The following PRKCE variants were observed in gnomAD, a reference collection of about 807,000 sequenced individuals.
PRKCE encodes protein kinase C epsilon.
PRKCE carries 16 observed loss-of-function variants against 85.4 expected under a neutral mutation model. The observed-to-expected ratio is 0.19, with a 90% CI of 0.13 to 0.28. The LOEUF (loss-of-function observed/expected upper bound fraction) is 0.28, where lower values mean the gene tolerates loss of function less well. PRKCE is among the 10% of genes least tolerant of loss of function. The pLI is 1.00. For synonymous variants in PRKCE, 388 were observed against 371.5 expected, an observed-to-expected ratio of 1.04 and a Z score of -0.51; for missense variants, 573 against 975.2, an observed-to-expected ratio of 0.59 and a Z score of 5.49.
intron 2 of PRKCE, among the ~76,000 whole-genome samples, chr2:45,959,852 T>G (rs150653914): frequency 1.3e-5 from 2 of 152,316 alleles, no homozygotes; most frequent in African/African-American, 4.8e-5. Flanking sequence ...TTCCCTGGCA[T>G]GTGTGTTGTG....
intron 2 of PRKCE, among the ~76,000 whole-genome samples, chr2:45,912,527 G>T (rs924611726): frequency 1.3e-5 from 2 of 152,144 alleles, no homozygotes; most frequent in Non-Finnish European, 2.9e-5. Flanking sequence ...GGAAGGCTGA[G>T]GCTCACAGCT....
chr2:45,941,086 A>AAAAAAAAAAAAAAAAAAAAC, intron 2 of PRKCE, among the ~76,000 whole-genome samples: 1 of 150,854 alleles, frequency 6.6e-6, no homozygotes, highest in East Asian at 2.0e-4. Flanking sequence ...AAAAAAAAAA[A>AAAAAAAAAAAAAAAAAAAAC]AGATGATAGG....
chr2:45,794,844 T>TTC (rs1195014020), intron 1 of PRKCE, among the ~76,000 whole-genome samples: 5 of 83,106 alleles, frequency 6.0e-5, no homozygotes, highest in Admixed American at 2.3e-4. Context: ...ATTATTGCCC[T>TTC]ACCCCCCCCC....
intron 11 of PRKCE, among the ~76,000 whole-genome samples, chr2:46,111,558 G>T (rs549792830): frequency 2.0e-5 from 3 of 152,270 alleles, no homozygotes; most frequent in African/African-American, 7.2e-5. Context: ...AGATTTGCCT[G>T]TTCTGGACAT....
At chr2:46,072,305 G>A (rs1333025806) in intron 10 of PRKCE, among the ~76,000 whole-genome samples, 1 of 152,120 alleles carries the variant, frequency 6.6e-6, no homozygotes, top group Non-Finnish European at 1.5e-5. Context: ...TTACGTTAGT[G>A]TATTATTTCC....
intron 5 of PRKCE, among the ~76,000 whole-genome samples, chr2:45,982,486 C>T (rs1383319300): frequency 2.0e-5 from 3 of 152,208 alleles, no homozygotes; most frequent in Non-Finnish European, 4.4e-5. Flanking sequence ...GCGGTGGACT[C>T]ACACCCTGCC....
intron 11 of PRKCE, among the ~76,000 whole-genome samples, chr2:46,116,225 A>T (rs1672753586): frequency 6.6e-6 from 1 of 152,206 alleles, no homozygotes; most frequent in Non-Finnish European, 1.5e-5. Context: ...GCTGTGTCCA[A>T]GGGAAGCCAA....
intron 2 of PRKCE, among the ~76,000 whole-genome samples, chr2:45,949,522 T>A (rs1700478754): frequency 6.6e-6 from 1 of 151,942 alleles, no homozygotes; most frequent in Non-Finnish European, 1.5e-5. Flanking sequence ...GGTATCTTTT[T>A]CTTGTCATTA....
chr2:46,063,310 G>A (rs1224415973), intron 10 of PRKCE, among the ~76,000 whole-genome samples: 2 of 150,436 alleles, frequency 1.3e-5, no homozygotes, highest in Non-Finnish European at 2.9e-5. Context: ...TTCCAGCATT[G>A]TGTTATACTT....
chr2:46,059,912 C>G (rs1346128584), intron 10 of PRKCE, among the ~76,000 whole-genome samples: 1 of 152,190 alleles, frequency 6.6e-6, no homozygotes, highest in Non-Finnish European at 1.5e-5. Flanking sequence ...TTGAAATAAA[C>G]TTAACTTCAA....
intron 11 of PRKCE, among the ~76,000 whole-genome samples, chr2:46,101,758 C>T (rs55982861): frequency 0.27 from 40,493 of 150,674 alleles, 5,611 homozygotes; most frequent in East Asian, 0.42. Flanking sequence ...AACTCAGAGA[C>T]GATGTGGCTT....
intron 10 of PRKCE, among the ~76,000 whole-genome samples, chr2:46,024,381 TA>T (rs1706933832): frequency 6.6e-6 from 1 of 152,094 alleles, no homozygotes; most frequent in Non-Finnish European, 1.5e-5. Flanking sequence ...ATTTTGTTTT[TA>T]CCATGACGTT....
intron 10 of PRKCE, among the ~76,000 whole-genome samples, chr2:46,085,152 G>T (rs548755405): frequency 6.6e-6 from 1 of 152,118 alleles, no homozygotes; most frequent in Non-Finnish European, 1.5e-5. Context: ...GGTGCAAAGA[G>T]AATGTCAGTC....
chr2:45,949,872 C>G (rs1408190600), intron 2 of PRKCE, among the ~76,000 whole-genome samples: 1 of 136,852 alleles, frequency 7.3e-6, no homozygotes, highest in Non-Finnish European at 1.6e-5. Flanking sequence ...ATAGCGAAGC[C>G]TTCATTCTTT....
In PRKCE at chr2:46,160,985, T is replaced by C. The variant is rs1219523350; in HGVS notation, c.2067+1233T>C. ...ACCACTCCTCATTCGCTTCCTCCTTTGGTTTTCATGTTTTCACTGGATAGC... is the reference window on the plus strand; with the variant it reads ...ACCACTCCTCATTCGCTTCCTCCTTCGGTTTTCATGTTTTCACTGGATAGC... On this transcript the variant is annotated intron_variant, in intron 14 of 14. Transcript: ENST00000306156. Among the ~76,000 whole-genome samples, 3 of 152,326 alleles carry C rather than the reference T, an allele frequency of 2.0e-5. No homozygotes were observed. The East Asian group carries it at 5.8e-4, about 29-fold the overall frequency.
At chr2:45,735,257 T>G (rs928018832) in intron 1 of PRKCE, among the ~76,000 whole-genome samples, 2 of 152,250 alleles carry the variant, frequency 1.3e-5, no homozygotes, top group African/African-American at 4.8e-5. Flanking sequence ...CAGCTTGAGT[T>G]AGACATCGTC....
chr2:45,961,134 C>G (rs1701346749), intron 2 of PRKCE, among the ~76,000 whole-genome samples: 1 of 152,184 alleles, frequency 6.6e-6, no homozygotes, highest in Admixed American at 6.5e-5. Flanking sequence ...GATAGTGATT[C>G]TAATATAAGC....
intron 1 of PRKCE, among the ~76,000 whole-genome samples, chr2:45,765,964 T>G (rs1253030264): frequency 6.6e-6 from 1 of 152,218 alleles, no homozygotes; most frequent in Non-Finnish European, 1.5e-5. Flanking sequence ...AGAACCTTAT[T>G]GCAATGAAGT....
chr2:46,116,752 A>T (rs1322175248), intron 11 of PRKCE, among the ~76,000 whole-genome samples: 1 of 152,194 alleles, frequency 6.6e-6, no homozygotes, highest in Non-Finnish European at 1.5e-5. Flanking sequence ...TTCGGAGAAA[A>T]AAAAAGCCCC....
Sources: gnomAD v4.1 joint callset for allele counts (sites outside exome capture counted in the v4.1 genomes callset) on GRCh38, gnomAD v4.1.1 for gene constraint, MANE v1.5 for transcripts, NCBI Gene and HGNC (gene_info 2026-07-23, HGNC 2026-07-21) for gene names.